Variants in TENM1 observed in about 807,000 individuals in gnomAD.
TENM1 encodes the protein teneurin transmembrane protein 1.
TENM1 carries 35 observed loss-of-function variants against 174.8 expected under a neutral mutation model. That is an observed-to-expected ratio of 0.20 (90% CI 0.15 to 0.27). The LOEUF (loss-of-function observed/expected upper bound fraction) is 0.27. TENM1 is among the 10% of genes least tolerant of loss of function. TENM1 has a pLI of 1.00. For missense variants in TENM1, 1,633 were observed against 2,130.1 expected, an observed-to-expected ratio of 0.77 and a Z score of 4.59; for synonymous variants, 781 against 798.7, an observed-to-expected ratio of 0.98 and a Z score of 0.37.
intron 3 of TENM1, among the ~76,000 whole-genome samples, chrX:124,845,274 C>G (rs993058069): frequency 9.0e-6 from 1 of 111,335 alleles, no homozygotes; most frequent in African/African-American, 3.3e-5. Context: ...TTCTAGACTG[C>G]TGCTTCTCAA....
At chrX:124,880,060 A>AT (rs1441472157) in intron 3 of TENM1, among the ~76,000 whole-genome samples, 1 of 111,157 alleles carries the variant, frequency 9.0e-6, no homozygotes, top group African/African-American at 3.3e-5. Flanking sequence ...GAATTTTAGG[A>AT]TTTTTTCTAT....
the TENM1 span, among the ~76,000 whole-genome samples, chrX:125,144,777 G>C: frequency 4.7e-5 from 5 of 106,133 alleles, no homozygotes; most frequent in Non-Finnish European, 9.7e-5. Context: ...TCACACTGTC[G>C]CCCAGGCTGG....
At chrX:124,719,453 G>C (rs995051963) in intron 4 of TENM1, among the ~76,000 whole-genome samples, 1 of 111,533 alleles carries the variant, frequency 9.0e-6, no homozygotes, top group African/African-American at 3.3e-5. Flanking sequence ...AAAATATGCA[G>C]AATATATAAT....
chrX:125,016,882 C>G, the TENM1 span, among the ~76,000 whole-genome samples: 1 of 111,366 alleles, frequency 9.0e-6, no homozygotes, highest in African/African-American at 3.3e-5. Context: ...ACCAATGGAA[C>G]AGAACAGAGG....
intron 1 of TENM1, among the ~76,000 whole-genome samples, chrX:124,918,215 T>C (rs1382401622): frequency 9.1e-6 from 1 of 109,575 alleles, no homozygotes; most frequent in Non-Finnish European, 1.9e-5. Flanking sequence ...TGTCTGGCTC[T>C]GTCACCCAGG....
upstream of TENM1, among the ~76,000 whole-genome samples, chrX:124,965,646 T>C (rs115431018): frequency 0.087 from 9,629 of 110,953 alleles, 988 homozygotes; most frequent in African/African-American, 0.3. Context: ...TTTGAACTAA[T>C]ATGAGAGATG....
intron 31 of TENM1, among the ~76,000 whole-genome samples, chrX:124,382,314 A>C (rs1453165412): frequency 6.3e-5 from 7 of 111,426 alleles, no homozygotes; most frequent in Non-Finnish European, 1.3e-4. Flanking sequence ...ATTATTTTAC[A>C]GTTGGAAATC....
At chrX:125,017,347 G>A in the TENM1 span, among the ~76,000 whole-genome samples, 3 of 111,568 alleles carry the variant, frequency 2.7e-5, no homozygotes, top group Admixed American at 1.9e-4. Context: ...AAATCTACAA[G>A]GAAGATAAAG....
chrX:124,728,013 T>C (rs1318357538), intron 4 of TENM1, among the ~76,000 whole-genome samples: 2 of 111,254 alleles, frequency 1.8e-5, no homozygotes, highest in African/African-American at 6.5e-5. Context: ...ATCTCACTAA[T>C]AATAGCAAAT....
intron 1 of TENM1, among the ~76,000 whole-genome samples, chrX:124,901,207 G>A (rs1373286160): frequency 9.0e-6 from 1 of 111,666 alleles, no homozygotes; most frequent in East Asian, 2.8e-4. Context: ...TAAGCTTTCA[G>A]CAGCTAGGGA....
At chrX:124,800,632 CTGTT>C (rs2055422782) in intron 3 of TENM1, among the ~76,000 whole-genome samples, 1 of 111,511 alleles carries the variant, frequency 9.0e-6, no homozygotes, top group Non-Finnish European at 1.9e-5. Context: ...TATTTCCTGT[CTGTT>C]GGTAGTTTTT....
exon 24 of TENM1, chrX:124,422,497 G>A (rs1181642970): frequency 8.3e-7 from 1 of 1,209,342 alleles, no homozygotes; most frequent in Non-Finnish European, 1.1e-6. Context: ...TCGATGCCTG[G>A]CACCTGGCAG....
At chrX:124,503,604 C>G in exon 19 of TENM1, 1 of 1,208,491 alleles carries the variant, frequency 8.3e-7, no homozygotes. Flanking sequence ...AGACCAGCCT[C>G]CTAGGTTAGA....
chrX:124,510,639 C>T (rs1227696465), intron 18 of TENM1, among the ~76,000 whole-genome samples: 1 of 111,506 alleles, frequency 9.0e-6, no homozygotes, highest in African/African-American at 3.3e-5. Context: ...GAAAATAAGT[C>T]ACATGGTTTG....
chrX:124,683,500 T>A (rs181884022), intron 5 of TENM1, among the ~76,000 whole-genome samples: 1 of 112,144 alleles, frequency 8.9e-6, no homozygotes, highest in Non-Finnish European at 1.9e-5. Flanking sequence ...TTATTCAAGC[T>A]ATTTTTTCCA....
At chrX:125,060,899 C>T in the TENM1 span, among the ~76,000 whole-genome samples, 1 of 110,795 alleles carries the variant, frequency 9.0e-6, no homozygotes, top group South Asian at 3.8e-4. Flanking sequence ...TAGCCAGATA[C>T]TAAGATAATA....
At chrX:124,717,844 CAGACATCTGATCTAGA>C (rs1400846018) in intron 4 of TENM1, among the ~76,000 whole-genome samples, 2 of 112,183 alleles carry the variant, frequency 1.8e-5, no homozygotes, top group African/African-American at 6.5e-5. Flanking sequence ...CCCCATTCCA[CAGACATCTGATCTAGA>C]AGAAAACAAA....
chrX:124,585,833 A>G (rs1417700882), intron 11 of TENM1, among the ~76,000 whole-genome samples: 2 of 111,587 alleles, frequency 1.8e-5, no homozygotes, highest in Non-Finnish European at 1.9e-5. Flanking sequence ...AAATATACGC[A>G]ATAAAAAATG....
intron 6 of TENM1, among the ~76,000 whole-genome samples, chrX:124,655,330 T>C (rs2051414678): frequency 8.9e-6 from 1 of 112,193 alleles, no homozygotes; most frequent in Non-Finnish European, 1.9e-5. Flanking sequence ...ATGTGCCAGT[T>C]TAATATGTGT....
Sources: allele counts gnomAD v4.1 joint callset (sites outside exome capture counted in the v4.1 genomes callset), GRCh38; gene constraint gnomAD v4.1.1; transcripts MANE v1.5; gene names NCBI Gene and HGNC (gene_info 2026-07-23, HGNC 2026-07-21).